PCDHGB2: variants seen among roughly 807,000 people sequenced by gnomAD.
PCDHGB2 encodes protocadherin gamma-B2.
In PCDHGB2, 55 loss-of-function variants were observed where a neutral mutation model predicts 59.3. The observed-to-expected ratio is 0.93, with a 90% CI of 0.75 to 1.16. The LOEUF (loss-of-function observed/expected upper bound fraction) is 1.16. Among genes scored for constraint, PCDHGB2 ranks in the 50% most tolerant of loss-of-function variants. The probability of loss-of-function intolerance (pLI) is 0.00; values close to 1 mark genes in which losing one functional copy is unlikely to be tolerated. For synonymous variants in PCDHGB2, 516 were observed against 512.0 expected (o/e 1.01, Z -0.11); for missense variants, 1,228 against 1,198.5 (o/e 1.02, Z -0.36).
In PCDHGB2 at chr5:141,487,519, T is replaced by C. The variant is rs1288070159; in HGVS notation, c.2422-7288T>C. The C allele has an allele frequency of 6.2e-7, 1 of 1,614,046 alleles. No individual in the cohort carries two copies. ...CCTTGGCTTCTGCACCCACTCGGAG[T>C]GATAGCTTCATGATGGTGAAGTCAC... On this transcript the variant is annotated intron_variant, in intron 1 of 3. Transcript: ENST00000522605. The surrounding 1 kb of genome is among the most constrained non-coding windows in gnomAD (Gnocchi z 5.0).
chr5:141,390,418 A>T (rs2092141411), intron 1 of PCDHGB2: 1 of 1,099,772 alleles, frequency 9.1e-7, no homozygotes, highest in Admixed American at 2.6e-5. Context: ...TAGTCAGTTA[A>T]AAAGCTGTCA....
Position 141,362,082 on chromosome 5 carries a change from A to G in PCDHGB2, c.1947A>G (p.Gly649=). 2 of 1,612,988 alleles carry G rather than the reference A, an allele frequency of 1.2e-6. No individual in the cohort carries two copies. Among genetic ancestry groups the G allele is most frequent in the Non-Finnish European group, 1.7e-6 (2 of 1,179,774 alleles). ...GCCTGCTGGTCGCTGTGCGTGATGG[A>G]GGACAGCCGCCACTCTCCGCTACGG... ...RQRLLVAVRD[G]GQPPLSATAT... Residue 649 remains glycine, a synonymous_variant, in exon 1 of 4, where the codon GGA becomes GGG. Coordinates refer to ENST00000522605, the MANE Select transcript of PCDHGB2 (RefSeq NM_018923.3).
At position 141,477,262 on chromosome 5, in the gene PCDHGB2, C is replaced by G; in HGVS notation, c.2422-17545C>G. On this transcript the variant is annotated intron_variant, in intron 1 of 3. Coordinates refer to ENST00000522605, the MANE Select transcript of PCDHGB2 (RefSeq NM_018923.3). The surrounding 1 kb of genome is among the most constrained non-coding windows in gnomAD (Gnocchi z 4.9). ...TCAGTGTGACTGACCTGGATGCTGG[C>G]GAGAACGGGCTGGTGACCTGCGAAG... The G allele has an allele frequency of 6.2e-7, 1 of 1,614,138 alleles. No homozygotes were observed.
At chr5:141,420,218 C>T (rs762476625) in intron 1 of PCDHGB2, 11 of 1,608,290 alleles carry the variant, frequency 6.8e-6, no homozygotes, top group Admixed American at 1.7e-5. Flanking sequence ...AGATAGCATG[C>T]TACTGGCTAG....
chr5:141,432,538 G>C lies in PCDHGB2; in HGVS notation c.2422-62269G>C, dbSNP rs200601557. The C allele has an allele frequency of 2.5e-5, 40 of 1,614,026 alleles. No individual in the cohort carries two copies. The highest frequency in any genetic ancestry group is 1.5e-4 in the Admixed American group (9 of 60,032). On this transcript the variant is annotated intron_variant, in intron 1 of 3. Coordinates refer to ENST00000522605, the MANE Select transcript of PCDHGB2 (RefSeq NM_018923.3). This position sits in a 1 kb window ranked among gnomAD's most constrained non-coding sequence, Gnocchi z 6.0. ...GCTACCTGGTGACCAAGGTGGTGGC[G>C]GTGGACAGAGACTCCGGCCAGAACG...
At chr5:141,505,777 TCTG>T (rs77860300) in intron 3 of PCDHGB2, among the ~76,000 whole-genome samples, 6,508 of 152,280 alleles carry the variant, frequency 0.043, 161 homozygotes, top group Middle Eastern at 0.13. Context: ...AGGTCCTAGC[TCTG>T]CTACTATCCT....
rs758674133 is a variant in PCDHGB2 at position 141,371,791 on chromosome 5, C to T, written c.2421+9235C>T. 1.9e-6 allele frequency: 3 copies of T among 1,613,820 alleles called. No homozygotes were observed. In the African/African-American group the frequency reaches 4.0e-5, roughly 22 times the overall value. The stretch of plus-strand genomic sequence containing the variant: ...ACCGTGCATGTAGCTGAGAACAATC[C>T]GCCTGGAGCCTCCATTGCGCATGTC... On this transcript the variant is annotated intron_variant, in intron 1 of 3. Coordinates refer to ENST00000522605, the MANE Select transcript of PCDHGB2 (RefSeq NM_018923.3).
At chr5:141,480,910 T>C (rs985100480) in intron 1 of PCDHGB2, among the ~76,000 whole-genome samples, 5 of 152,106 alleles carry the variant, frequency 3.3e-5, no homozygotes, top group Non-Finnish European at 7.4e-5. Flanking sequence ...CTGGGCATGG[T>C]GGCGCATACC....
chr5:141,381,689 C>A lies in PCDHGB2; in HGVS notation c.2421+19133C>A, dbSNP rs548691945. 4.6e-5 allele frequency among the ~76,000 whole-genome samples: 7 copies of A among 152,268 alleles called. No individual in the cohort carries two copies. In the South Asian group the frequency reaches 1.2e-3, roughly 27 times the overall value. ...AGCTGATTGCTGCAGCCAAGACAAA[C>A]AACGATTTCTTTCTTTTTTTCTCAC... On this transcript the variant is annotated intron_variant, in intron 1 of 3. Transcript: ENST00000522605.
Position 141,431,570 on chromosome 5 carries a change from G to T in PCDHGB2, c.2422-63237G>T. On this transcript the variant is annotated intron_variant, in intron 1 of 3. Coordinates refer to ENST00000522605, the MANE Select transcript of PCDHGB2 (RefSeq NM_018923.3). This position sits in a 1 kb window ranked among gnomAD's most constrained non-coding sequence, Gnocchi z 4.8. The stretch of plus-strand genomic sequence containing the variant: ...TGTAGTCAACGCTACCGACCCTGAC[G>T]AAGGAGTCAATGCGGAAGTGAGGTA... The T allele has an allele frequency of 6.2e-7, 1 of 1,614,172 alleles. No homozygotes were observed. Among genetic ancestry groups the T allele is most frequent in the Non-Finnish European group, 8.5e-7 (1 of 1,180,024 alleles).
At chr5:141,413,075 A>G (rs1013709122) in intron 1 of PCDHGB2, 4 of 1,246,610 alleles carry the variant, frequency 3.2e-6, no homozygotes, top group South Asian at 3.1e-5. Context: ...TAAAGTGCCC[A>G]GGCTACAGAG....
chr5:141,445,115 A>G (rs1038787011), intron 1 of PCDHGB2, among the ~76,000 whole-genome samples: 1 of 152,308 alleles, frequency 6.6e-6, no homozygotes, highest in East Asian at 1.9e-4. Flanking sequence ...GTTATTGTAA[A>G]TAGTATTTTT....
intron 1 of PCDHGB2, among the ~76,000 whole-genome samples, chr5:141,474,651 C>T (rs2099352565): frequency 6.6e-6 from 1 of 152,178 alleles, no homozygotes; most frequent in South Asian, 2.1e-4. Flanking sequence ...ATCCTTACTT[C>T]TTTTCTACCT....
At chr5:141,394,175 T>A in intron 1 of PCDHGB2, 1 of 1,613,944 alleles carries the variant, frequency 6.2e-7, no homozygotes, top group South Asian at 1.1e-5. Flanking sequence ...CTTTCCCTCA[T>A]GCCTCCTACT....
Position 141,409,086 on chromosome 5 carries a change from A to G in PCDHGB2, c.2421+46530A>G, listed in dbSNP as rs1019017199. 6.8e-6 allele frequency: 11 copies of G among 1,613,904 alleles called. No homozygotes were observed. Among genetic ancestry groups the G allele is most frequent in the African/African-American group, 5.3e-5 (4 of 74,932 alleles). On this transcript the variant is annotated intron_variant, in intron 1 of 3. Transcript: ENST00000522605. ...AGCACAAAACATATGTTCTCATTGG[A>G]TGAGAAAACAGGTATGATTAAGAAT... is the stretch of plus-strand genomic sequence containing the variant.
chr5:141,469,880 C>T (rs774827232), intron 1 of PCDHGB2, among the ~76,000 whole-genome samples: 7 of 152,210 alleles, frequency 4.6e-5, no homozygotes, highest in East Asian at 1.9e-4. Flanking sequence ...CCTGTAATCT[C>T]GGCACTTTGG....
At chr5:141,458,081 GTAAGT>G (rs2098936973) in intron 1 of PCDHGB2, among the ~76,000 whole-genome samples, 1 of 152,186 alleles carries the variant, frequency 6.6e-6, no homozygotes, top group Non-Finnish European at 1.5e-5. Context: ...CTATATTGCC[GTAAGT>G]TAAGAGTACT....
Position 141,361,286 on chromosome 5 carries a change from G to A in PCDHGB2, c.1151G>A (p.Cys384Tyr), listed in dbSNP as rs1761959082. ...RDSGENGEVY[C>Y]QVLGNAKFIL... ...TCTGGAGAAAATGGAGAAGTTTACT[G>A]CCAAGTGTTGGGAAATGCCAAGTTT... is the stretch of plus-strand genomic sequence containing the variant. Residue 384 changes from cysteine to tyrosine, a missense_variant, in exon 1 of 4, where the codon TGC becomes TAC. Coordinates refer to ENST00000522605, the MANE Select transcript of PCDHGB2 (RefSeq NM_018923.3). The A allele has an allele frequency of 1.2e-6, 2 of 1,613,878 alleles. No individual in the cohort carries two copies. The highest frequency in any genetic ancestry group is 2.2e-5 in the South Asian group (2 of 91,088).
chr5:141,456,446 T>C (rs1053843910), intron 1 of PCDHGB2, among the ~76,000 whole-genome samples: 2 of 151,782 alleles, frequency 1.3e-5, no homozygotes, highest in Admixed American at 1.3e-4. Context: ...GTATACAGAG[T>C]CCAAATATCA....
Sources: gnomAD v4.1 joint callset for allele counts (sites outside exome capture counted in the v4.1 genomes callset) on GRCh38, gnomAD v4.1.1 for gene constraint, Gnocchi (gnomAD v3.1) non-coding constraint, MANE v1.5 for transcripts, NCBI Gene and HGNC (gene_info 2026-07-23, HGNC 2026-07-21) for gene names.